The following MIPOL1 variants were observed in gnomAD, a reference collection of about 807,000 sequenced individuals.
MIPOL1 encodes the protein mirror-image polydactyly 1, also known as mirror-image polydactyly gene 1 protein.
Under a neutral mutation model 60.9 loss-of-function variants are expected in MIPOL1, and 57 were observed. The ratio of observed to expected loss-of-function variants is 0.94; its 90% CI spans 0.76 to 1.17. The LOEUF is 1.17. MIPOL1 is among the 50% of genes most tolerant of loss of function. The probability of loss-of-function intolerance (pLI) is 0.00; values close to 1 mark genes in which losing one functional copy is unlikely to be tolerated. For missense variants in MIPOL1, 551 were observed against 511.6 expected (o/e 1.08, Z -0.74); for synonymous variants, 179 against 168.8 (o/e 1.06, Z -0.47).
chr14:37,430,229 A>G (rs2094036731), intron 11 of MIPOL1, among the ~76,000 whole-genome samples: 1 of 152,176 alleles, frequency 6.6e-6, no homozygotes, highest in South Asian at 2.1e-4. Flanking sequence ...ACCGTAGACA[A>G]GTTTCAACTT....
intron 1 of MIPOL1, among the ~76,000 whole-genome samples, chr14:37,204,944 G>A (rs901478948): frequency 6.6e-6 from 1 of 152,100 alleles, no homozygotes; most frequent in Non-Finnish European, 1.5e-5. Flanking sequence ...ATAGTGATAT[G>A]GACAATAAAA....
intron 1 of MIPOL1, among the ~76,000 whole-genome samples, chr14:37,244,433 A>G (rs1181938200): frequency 6.6e-6 from 1 of 151,734 alleles, no homozygotes; most frequent in Non-Finnish European, 1.5e-5. Flanking sequence ...TTCCTTTTTT[A>G]TATACTGAAA....
chr14:37,495,573 T>C (rs2095112603), intron 11 of MIPOL1, among the ~76,000 whole-genome samples: 1 of 148,220 alleles, frequency 6.7e-6, no homozygotes, highest in Non-Finnish European at 1.5e-5. Flanking sequence ...CTATTGTGAA[T>C]AGTGCCACAA....
chr14:37,466,546 C>G (rs999643911), intron 11 of MIPOL1, among the ~76,000 whole-genome samples: 1 of 152,072 alleles, frequency 6.6e-6, no homozygotes. Context: ...GTTTAGTGCA[C>G]CAAATTTCAC....
chr14:37,438,957 G>A (rs369611983), intron 11 of MIPOL1, among the ~76,000 whole-genome samples: 14 of 152,292 alleles, frequency 9.2e-5, no homozygotes, highest in East Asian at 3.9e-4. Context: ...AATCACTAAC[G>A]TAACAACAAT....
At chr14:37,217,248 A>G (rs533121753) in intron 1 of MIPOL1, among the ~76,000 whole-genome samples, 2 of 152,328 alleles carry the variant, frequency 1.3e-5, no homozygotes, top group African/African-American at 2.4e-5. Context: ...GATTGAAGCC[A>G]TAATAAAAAG....
chr14:37,256,661 A>G (rs1182209800), intron 3 of MIPOL1, among the ~76,000 whole-genome samples: 1 of 151,708 alleles, frequency 6.6e-6, no homozygotes, highest in Non-Finnish European at 1.5e-5. Context: ...AGATTAGGAC[A>G]AGGCTGCACT....
chr14:37,363,336 C>G (rs558016374), intron 9 of MIPOL1, among the ~76,000 whole-genome samples: 24 of 152,256 alleles, frequency 1.6e-4, no homozygotes, highest in African/African-American at 2.6e-4. Context: ...CTATTCCTTT[C>G]TGTTTCTTAG....
At chr14:37,539,520 G>A (rs1295651034) in intron 12 of MIPOL1, among the ~76,000 whole-genome samples, 1 of 152,112 alleles carries the variant, frequency 6.6e-6, no homozygotes, top group Non-Finnish European at 1.5e-5. Flanking sequence ...ATACTGGATT[G>A]TTGTATAGGA....
At chr14:37,500,631 A>AT (rs1387059976) in intron 12 of MIPOL1, among the ~76,000 whole-genome samples, 1 of 152,186 alleles carries the variant, frequency 6.6e-6, no homozygotes, top group Non-Finnish European at 1.5e-5. Context: ...GTGCATAATT[A>AT]TATATGTTTA....
rs116285394 is a variant in MIPOL1 at position 37,532,254 on chromosome 14, T to A, written c.1263-14651T>A. Among the ~76,000 whole-genome samples, 1,083 of 152,294 alleles carry A rather than the reference T, an allele frequency of 7.1e-3. 18 individuals are homozygous for A. Among genetic ancestry groups the A allele is most frequent in the African/African-American group, 0.023 (952 of 41,564 alleles). ...TAAATAAATTTGAACATAAGTGTAA[T>A]TCACACTTAAGATCATTGTAACTCA... is the stretch of plus-strand genomic sequence containing the variant. On this transcript the variant is annotated intron_variant, in intron 12 of 12. Coordinates refer to ENST00000684589, the MANE Select transcript of MIPOL1 (RefSeq NM_001388067.1).
intron 9 of MIPOL1, among the ~76,000 whole-genome samples, chr14:37,329,363 G>C (rs1283345097): frequency 2.6e-5 from 4 of 152,066 alleles, no homozygotes; most frequent in African/African-American, 4.8e-5. Context: ...ATATTTACTT[G>C]CTTCCTGTAG....
intron 1 of MIPOL1, among the ~76,000 whole-genome samples, chr14:37,229,237 ACCT>A (rs1209714151): frequency 6.6e-6 from 1 of 151,988 alleles, no homozygotes; most frequent in Non-Finnish European, 1.5e-5. Flanking sequence ...GCTCACTGTA[ACCT>A]CCTCCCTGGC....
rs1267092739 is a variant in MIPOL1 at position 37,547,657 on chromosome 14, T to C, written c.*686T>C. 6.6e-6 allele frequency: 1 copy of C among 152,606 alleles called. No homozygotes were observed. The highest frequency in any genetic ancestry group is 1.5e-5 in the Non-Finnish European group (1 of 67,986). 9.5% of individuals were successfully genotyped at this position (152,606 alleles called of 1,614,324 possible). A position where few individuals can be genotyped will look rare whatever the true frequency, so the allele number is the denominator to read the frequency against. On this transcript the variant is annotated 3_prime_UTR_variant, in exon 13 of 13. Coordinates refer to ENST00000684589, the MANE Select transcript of MIPOL1 (RefSeq NM_001388067.1). ...AAAAGAGGAGACTGTTAATGTGTACTTATAAATTCACATTGTCAGTATTTT... is the reference window on the plus strand; with the variant it reads ...AAAAGAGGAGACTGTTAATGTGTACCTATAAATTCACATTGTCAGTATTTT...
chr14:37,222,402 T>C lies in MIPOL1; in HGVS notation c.-199+24298T>C, dbSNP rs1160967123. Among the ~76,000 whole-genome samples, 13 of 151,524 alleles carry C rather than the reference T, an allele frequency of 8.6e-5. 1 individual carries two copies. Among genetic ancestry groups the C allele is most frequent in the Non-Finnish European group, 1.5e-4 (10 of 67,874 alleles). On this transcript the variant is annotated intron_variant, in intron 1 of 12. Transcript: ENST00000684589. ...CACACCTGGCTTTTTTTTTTTTTTT[T>C]TAACTTATTATAGAGGTTATAGCTC...
intron 11 of MIPOL1, among the ~76,000 whole-genome samples, chr14:37,484,780 T>C (rs894949028): frequency 7.9e-5 from 12 of 152,194 alleles, no homozygotes; most frequent in African/African-American, 2.9e-4. Flanking sequence ...TTCTGCTATT[T>C]AGCCTATCCT....
Position 37,456,091 on chromosome 14 carries a change from T to TTTCTTCTTATCACGTAGAAACC in MIPOL1, c.1031+33149_1031+33150insTATCACGTAGAAACCTTCTTCT, listed in dbSNP as rs879932572. Reference sequence around the variant, plus strand: ...CTTATCAATATCACGTAGAAGAAGGTTTCTTCTACGTGATATTAATATTGG... The same window carrying TTTCTTCTTATCACGTAGAAACC: ...CTTATCAATATCACGTAGAAGAAGGTTTCTTCTTATCACGTAGAAACCTTCTTCTACGTGATATTAATATTGG... On this transcript the variant is annotated intron_variant, in intron 11 of 12. Coordinates refer to ENST00000684589, the MANE Select transcript of MIPOL1 (RefSeq NM_001388067.1). Among the ~76,000 whole-genome samples the TTTCTTCTTATCACGTAGAAACC allele has an allele frequency of 1.6e-3, 243 of 151,986 alleles. 2 individuals carry two copies. The highest frequency in any genetic ancestry group is 6.8e-3 in the Middle Eastern group (2 of 294).
At chr14:37,356,124 C>T (rs1299807144) in intron 9 of MIPOL1, among the ~76,000 whole-genome samples, 6 of 150,970 alleles carry the variant, frequency 4.0e-5, no homozygotes, top group Non-Finnish European at 8.8e-5. Flanking sequence ...TTCCTTCTAA[C>T]AGACAGGACC....
At chr14:37,393,016 G>C (rs902122868) in intron 10 of MIPOL1, among the ~76,000 whole-genome samples, 4 of 152,014 alleles carry the variant, frequency 2.6e-5, no homozygotes, top group Non-Finnish European at 4.4e-5. Context: ...CTAATCCAAT[G>C]ACTGGTGTTC....
Sources: gnomAD v4.1 joint callset for allele counts (sites outside exome capture counted in the v4.1 genomes callset) on GRCh38, gnomAD v4.1.1 for gene constraint, MANE v1.5 for transcripts, NCBI Gene and HGNC (gene_info 2026-07-23, HGNC 2026-07-21) for gene names.